Variants in HDAC10 observed in about 807,000 individuals in gnomAD.
HDAC10 encodes polyamine deacetylase HDAC10.
In HDAC10, 90 loss-of-function variants were observed where a neutral mutation model predicts 82.3. The observed-to-expected ratio is 1.09, with a 90% CI of 0.92 to 1.30. The LOEUF (loss-of-function observed/expected upper bound fraction) is 1.30. Ranked by LOEUF, HDAC10 falls within the 50% of genes most tolerant of loss-of-function variation. The pLI is 0.00. For missense variants in HDAC10, 934 were observed against 876.3 expected, an observed-to-expected ratio of 1.07 and a Z score of -0.83; for synonymous variants, 456 against 391.7, an observed-to-expected ratio of 1.16 and a Z score of -1.94.
chr22:50,246,440 G>T, intron 16 of HDAC10, 64 bp from the exon 17 acceptor site: 2 of 1,399,454 alleles, frequency 1.4e-6, no homozygotes, highest in East Asian at 2.3e-5. Context: ...AACCGCAGAG[G>T]CAGAGGTGGA....
rs904145432 is a variant in HDAC10 at position 50,247,722 on chromosome 22, C to A, written c.1392G>T (p.Leu464=). 6.3e-7 allele frequency: 1 copy of A among 1,598,088 alleles called. No individual in the cohort carries two copies. Among genetic ancestry groups the A allele is most frequent in the African/African-American group, 1.3e-5 (1 of 74,684 alleles). ...CATCCAGCATCCCATCTAAGAGGTA[C>A]AGGAGCTTCCCAAGTGCAGTGAGGG... ...EEALTALGKL[L]YLLDGMLDGQ... Residue 464 remains leucine (L), a synonymous_variant, in exon 14 of 20, where the codon CTG becomes CTT. Coordinates refer to ENST00000216271, the MANE Select transcript of HDAC10 (RefSeq NM_032019.6).
chr22:50,249,778 G>A lies in HDAC10; in HGVS notation c.495-75C>T, dbSNP rs2065041461. On this transcript the variant is annotated intron_variant, in intron 5 of 19. Transcript: ENST00000216271. The surrounding 1 kb of genome is among the most constrained non-coding windows in gnomAD (Gnocchi z 4.4). ...GGAGCCCGGCCAGGGATGGGAAGGT[G>A]CTGGCTGGGTTCTCTCGCCTCCTGC... is the stretch of plus-strand genomic sequence containing the variant. 1 of 1,604,770 alleles carries A rather than the reference G, an allele frequency of 6.2e-7. No individual in the cohort carries two copies. The highest frequency in any genetic ancestry group is 1.7e-5 in the Admixed American group (1 of 59,566).
chr22:50,249,620 C>T lies in HDAC10; in HGVS notation c.563+15G>A, dbSNP rs200419945. Reference sequence around the variant, plus strand: ...TGGGGCTGCAGGGAAGGGTGGTTTCCGCACCCCTGCTCACCTGGGGTCATC... The same window carrying T: ...TGGGGCTGCAGGGAAGGGTGGTTTCTGCACCCCTGCTCACCTGGGGTCATC... On this transcript the variant is annotated intron_variant, in intron 6 of 19. Coordinates refer to ENST00000216271, the MANE Select transcript of HDAC10 (RefSeq NM_032019.6). This position sits in a 1 kb window ranked among gnomAD's most constrained non-coding sequence, Gnocchi z 4.4. The T allele has an allele frequency of 1.6e-5, 25 of 1,612,664 alleles. No homozygotes were observed. Among genetic ancestry groups the T allele is most frequent in the Admixed American group, 8.3e-5 (5 of 60,014 alleles).
chr22:50,250,573 G>T (rs77003572), intron 2 of HDAC10, 50 bp from the exon 3 acceptor site: 8 of 1,473,966 alleles, frequency 5.4e-6, no homozygotes, highest in Non-Finnish European at 7.6e-6. Context: ...GCAGGAGCAG[G>T]GGGGCGGGAG....
At chr22:50,250,286 C>A (rs2065055455) in intron 3 of HDAC10, 126 bp from the exon 4 acceptor site, 4 of 1,207,956 alleles carry the variant, frequency 3.3e-6, no homozygotes, top group Admixed American at 3.6e-5. Context: ...CAGGCTCTGG[C>A]AGTGCCAGCA....
intron 14 of HDAC10, 177 bp downstream of exon 14, chr22:50,247,515 A>C (rs2064983990): frequency 1.1e-5 from 6 of 535,048 alleles, no homozygotes; most frequent in Non-Finnish European, 2.0e-5. Context: ...GGTCAGACAC[A>C]CTAGTGATCC....
rs1249426675 is a variant in HDAC10 at position 50,250,536 on chromosome 22, G to A, written c.195-13C>T. On this transcript the variant is annotated splice_polypyrimidine_tract_variant and intron_variant, in intron 2 of 19. Transcript: ENST00000216271. ...TACATACTCTGGGCTGCATGCAGAT[G>A]GGCAGGCAGGAGAGGCAGGGTCACC... The A allele has an allele frequency of 3.1e-6, 5 of 1,603,038 alleles. No homozygotes were observed. The highest frequency in any genetic ancestry group is 1.3e-5 in the African/African-American group (1 of 74,760).
In HDAC10 at chr22:50,245,540, G is replaced by A. The variant is rs377629384; in HGVS notation, c.1987-10C>T. 44 of 1,053,156 alleles carry A rather than the reference G, an allele frequency of 4.2e-5. No individual in the cohort carries two copies. The highest frequency in any genetic ancestry group is 3.9e-4 in the South Asian group (31 of 79,502). The allele number at this position is 1,053,156 out of a possible 1,614,324, so 65.2% of individuals were successfully genotyped here. A position where few individuals can be genotyped will look rare whatever the true frequency, so the allele number is the denominator to read the frequency against. On this transcript the variant is annotated splice_polypyrimidine_tract_variant and intron_variant, in intron 19 of 19. Coordinates refer to ENST00000216271, the MANE Select transcript of HDAC10 (RefSeq NM_032019.6). The stretch of plus-strand genomic sequence containing the variant: ...CCAGGTGAGGATGGCACTACAGGAG[G>A]AGCCGAGAAGAGGCGCGCAGTTGGC...
chr22:50,246,613 G>A, intron 16 of HDAC10, 66 bp downstream of exon 16: 1 of 1,482,410 alleles, frequency 6.7e-7, no homozygotes. Context: ...CTGGGGCCCA[G>A]GCACACGTCC....
Position 50,246,961 on chromosome 22 carries a change from G to C in HDAC10, c.1428C>G (p.Asn476Lys), listed in dbSNP as rs755336865. ...LLDGMLDGQV[N>K]SGIAATPASA... Reference sequence around the variant, plus strand: ...AGGCTGGAGTGGCTGCTATACCACTGTTCACCTGTGGGATGAATAAACAGT... The same window carrying C: ...AGGCTGGAGTGGCTGCTATACCACTCTTCACCTGTGGGATGAATAAACAGT... The change falls in exon 15 of 20, where the codon AAC becomes AAG. Residue 476 changes from asparagine to lysine, a missense_variant. Asn to Lys is a moderately conservative substitution (Grantham distance 94). Coordinates refer to ENST00000216271, the MANE Select transcript of HDAC10 (RefSeq NM_032019.6). The C allele has an allele frequency of 6.2e-6, 10 of 1,602,660 alleles. No homozygotes were observed. Among genetic ancestry groups the C allele is most frequent in the South Asian group, 1.1e-5 (1 of 90,162 alleles).
At position 50,247,048 on chromosome 22, in the gene HDAC10, G is replaced by A. The variant is rs111657073; in HGVS notation, c.1423-82C>T. On this transcript the variant is annotated intron_variant, in intron 14 of 19. Transcript: ENST00000216271. ...AACAGATCCACAGTTCCCTTCATTC[G>A]GTGTGTCTCTGCGGCTACTGTCAGC... 1,949 of 815,404 alleles carry A rather than the reference G, an allele frequency of 2.4e-3. 26 individuals carry two copies. The African/African-American group carries it at 0.028, about 12-fold the overall frequency. 50.5% of individuals were successfully genotyped at this position (815,404 alleles called of 1,614,324 possible).
chr22:50,249,644 T>C lies in HDAC10; in HGVS notation c.554A>G (p.Asp185Gly), dbSNP rs1236306422. Residue 185 changes from aspartate to glycine, a missense_variant, in exon 6 of 20, where the codon GAT becomes GGT. Coordinates refer to ENST00000216271, the MANE Select transcript of HDAC10 (RefSeq NM_032019.6). This position sits in a 1 kb window ranked among gnomAD's most constrained non-coding sequence, Gnocchi z 4.4. The part of the protein sequence containing the change: ...HGQGIQYLFE[D>G]DPSVLYFSWH... ...CCGCACCCCTGCTCACCTGGGGTCA[T>C]CCTCAAAGAGATACTGGATCCCCTG... The C allele has an allele frequency of 6.2e-7, 1 of 1,612,746 alleles. No homozygotes were observed. Among genetic ancestry groups the C allele is most frequent in the Non-Finnish European group, 8.5e-7 (1 of 1,179,962 alleles).
At chr22:50,246,604 TG>T (rs1287777211) in intron 16 of HDAC10, 74 bp downstream of exon 16, 16 of 1,244,582 alleles carry the variant, frequency 1.3e-5, no homozygotes, top group Non-Finnish European at 1.5e-5. Flanking sequence ...CCCGTCACCC[TG>T]GGGCCCAGGC....
chr22:50,246,933 C>T lies in HDAC10; in HGVS notation c.1456G>A (p.Ala486Thr), dbSNP rs1244126346. The change falls in exon 15 of 20, where the codon GCT becomes ACT. Residue 486 changes from alanine to threonine, a missense_variant. Coordinates refer to ENST00000216271, the MANE Select transcript of HDAC10 (RefSeq NM_032019.6). ...GCCACATCCAGGGTGGCTGCTGCAG[C>T]AGAGGCTGGAGTGGCTGCTATACCA... ...NSGIAATPAS[A>T]AAATLDVAVR... The T allele has an allele frequency of 3.7e-6, 6 of 1,611,724 alleles. No individual in the cohort carries two copies. Among genetic ancestry groups the T allele is most frequent in the Non-Finnish European group, 5.1e-6 (6 of 1,178,980 alleles).
chr22:50,247,279 C>T (rs2064977600), intron 14 of HDAC10: 1 of 334,294 alleles, frequency 3.0e-6, no homozygotes, highest in Non-Finnish European at 5.5e-6. Context: ...ACTACAGGCA[C>T]ACACCACCAC....
At chr22:50,250,328 G>A (rs1024629122) in intron 3 of HDAC10, 99 bp downstream of exon 3, 3 of 1,280,404 alleles carry the variant, frequency 2.3e-6, no homozygotes, top group Admixed American at 3.4e-5. Flanking sequence ...CATGTGTATG[G>A]ACCAGGGGAC....
rs778227637 is a variant in HDAC10, at chr22:50,248,166, T to C, written c.1082-21A>G. The stretch of plus-strand genomic sequence containing the variant: ...CACATCTAGGGACAGTTCGGAGTCA[T>C]AGCCACTGCACAGGAGCCCGAGGTG... On this transcript the variant is annotated intron_variant, in intron 12 of 19. Transcript: ENST00000216271. The surrounding 1 kb of genome is among the most constrained non-coding windows in gnomAD (Gnocchi z 5.4). The C allele has an allele frequency of 2.5e-6, 4 of 1,593,668 alleles. No individual in the cohort carries two copies. Among genetic ancestry groups the C allele is most frequent in the East Asian group, 2.2e-5 (1 of 44,706 alleles).
chr22:50,247,082 T>A (rs1445353237), intron 14 of HDAC10, 116 bp from the exon 15 acceptor site: 4 of 601,070 alleles, frequency 6.7e-6, no homozygotes, highest in Non-Finnish European at 1.2e-5. Context: ...GCCACACATC[T>A]TCTTACACTA....
In HDAC10 at chr22:50,251,008, C is replaced by G. The variant is rs1445401937; in HGVS notation, c.25G>C (p.Glu9Gln). The change falls in exon 1 of 20, where the codon GAG becomes CAG. Residue 9 changes from glutamate to glutamine, a missense_variant. Transcript: ENST00000216271. ...AGCAGCCGGGTGGCCGTCATGTCCT[C>G]ATGGTACACAAGCGCGGTCCCCATG... is the stretch of plus-strand genomic sequence containing the variant. MGTALVYH[E>Q]DMTATRLLWD... The G allele has an allele frequency of 1.2e-6, 2 of 1,612,426 alleles. No individual in the cohort carries two copies. The highest frequency in any genetic ancestry group is 1.7e-6 in the Non-Finnish European group (2 of 1,179,720).
Sources: allele counts gnomAD v4.1 joint callset, GRCh38; gene constraint gnomAD v4.1.1; non-coding constraint Gnocchi (gnomAD v3.1); transcripts MANE v1.5; gene names NCBI Gene and HGNC (gene_info 2026-07-23, HGNC 2026-07-21).